Variants in DNAH1 observed in about 807,000 individuals in gnomAD.
DNAH1 encodes dynein axonemal heavy chain 1, also known as axonemal beta dynein heavy chain 1.
Under a neutral mutation model 484.3 loss-of-function variants are expected in DNAH1, and 327 were observed. The observed-to-expected ratio is 0.68, with a 90% CI of 0.62 to 0.74. DNAH1 has a LOEUF of 0.74. Ranked by LOEUF, DNAH1 falls within the 30% of genes least tolerant of loss-of-function variation. The pLI, the probability that DNAH1 is intolerant of heterozygous loss-of-function variation, is 0.00. For synonymous variants in DNAH1, 2,192 were observed against 2,191.9 expected, an observed-to-expected ratio of 1.00 and a Z score of 0.00; for missense variants, 5,052 against 5,546.8, an observed-to-expected ratio of 0.91 and a Z score of 2.83.
chr3:52,346,893 G>A (rs1702167342), intron 11 of DNAH1, 123 bp downstream of exon 11: 1 of 1,086,074 alleles, frequency 9.2e-7, no homozygotes, highest in Non-Finnish European at 1.3e-6. Flanking sequence ...GCAGTAAGGA[G>A]AGCCGAGCTC....
Position 52,370,468 on chromosome 3 carries a change from C to T in DNAH1, c.6259-9C>T, listed in dbSNP as rs1431111813. 27 of 1,613,880 alleles carry T rather than the reference C, an allele frequency of 1.7e-5. No homozygotes were observed. The Admixed American group carries it at 4.5e-4, about 27-fold the overall frequency. ...TGTCTCAGCCTGATACTGTTCCCTTCATCCCCAGGGCCTCAAGAAAATACC... is the reference window on the plus strand; with the variant it reads ...TGTCTCAGCCTGATACTGTTCCCTTTATCCCCAGGGCCTCAAGAAAATACC... On this transcript the variant is annotated splice_polypyrimidine_tract_variant and intron_variant, in intron 39 of 77. Transcript: ENST00000420323.
At chr3:52,350,819 G>A (rs1702344752) in intron 16 of DNAH1, among the ~76,000 whole-genome samples, 1 of 152,212 alleles carries the variant, frequency 6.6e-6, no homozygotes, top group Non-Finnish European at 1.5e-5. Flanking sequence ...CCCCAACCCT[G>A]TCTCTGTCCT....
At chr3:52,352,750 G>A (rs746570668) in intron 18 of DNAH1, 43 bp downstream of exon 18, 2 of 1,585,342 alleles carry the variant, frequency 1.3e-6, no homozygotes, top group Non-Finnish European at 1.7e-6. Flanking sequence ...CCCCAGGCTT[G>A]AGGAAGCAGC....
chr3:52,397,980 A>G, intron 74 of DNAH1, 52 bp from the exon 75 acceptor site: 1 of 1,594,634 alleles, frequency 6.3e-7, no homozygotes, highest in Non-Finnish European at 8.6e-7. Flanking sequence ...GGAATCCCAC[A>G]GGGGATAAGG....
Position 52,375,992 on chromosome 3 carries a change from G to C in DNAH1, c.7197G>C (p.Val2399=), listed in dbSNP as rs61738522. 2.4e-3 allele frequency: 3,868 copies of C among 1,612,178 alleles called. 96 individuals are homozygous for C. The African/African-American group carries it at 0.046, about 19-fold the overall frequency. ...LLGEKSYRER[V]PGAPHIAHFT... ...GAGAAAAAAGCTACCGGGAGCGTGT[G>C]CGTAAGTGTGGGCCTGGGCGGGAAT... Residue 2399 remains valine, a splice_region_variant and synonymous_variant, in exon 46 of 78, where the codon GTG becomes GTC. Coordinates refer to ENST00000420323, the MANE Select transcript of DNAH1 (RefSeq NM_015512.5).
rs1281736510 is a variant in DNAH1, at chr3:52,392,853, G to A, written c.10302G>A (p.Gln3434=). Residue 3434 remains glutamine, a synonymous_variant, in exon 65 of 78, where the codon CAG becomes CAA. Transcript: ENST00000420323. ...AGGCCAAAGTCAGGATTGCAGAGCA[G>A]ACGGAGAAGGACATCGACCTGACGC... ...EIQAKVRIAE[Q]TEKDIDLTRM... 1 of 1,595,940 alleles carries A rather than the reference G, an allele frequency of 6.3e-7. No individual in the cohort carries two copies. The highest frequency in any genetic ancestry group is 8.5e-7 in the Non-Finnish European group (1 of 1,171,914).
At chr3:52,390,033 T>A (rs183329039) in intron 60 of DNAH1, among the ~76,000 whole-genome samples, 246 of 152,220 alleles carry the variant, frequency 1.6e-3, no homozygotes, top group African/African-American at 5.5e-3. Flanking sequence ...GGCAGGAGAA[T>A]TGGCTTGAAC....
chr3:52,359,243 C>T lies in DNAH1; in HGVS notation c.4267-3C>T. On this transcript the variant is annotated splice_polypyrimidine_tract_variant and splice_region_variant and intron_variant, in intron 25 of 77. Coordinates refer to ENST00000420323, the MANE Select transcript of DNAH1 (RefSeq NM_015512.5). ...GGTCAGCCTGCCCATGCTGTCTTCC[C>T]AGATGCCCAGGACCCAGTGGGTTCT... The T allele has an allele frequency of 6.4e-7, 1 of 1,564,610 alleles. No homozygotes were observed. The highest frequency in any genetic ancestry group is 8.7e-7 in the Non-Finnish European group (1 of 1,153,916).
intron 50 of DNAH1, among the ~76,000 whole-genome samples, chr3:52,383,055 A>G (rs1329457897): frequency 1.3e-5 from 2 of 152,170 alleles, no homozygotes; most frequent in Non-Finnish European, 2.9e-5. Flanking sequence ...GCTGTATGAG[A>G]TGGGCAAGGA....
At chr3:52,348,739 T>C (rs766743710) in intron 12 of DNAH1, 149 bp from the exon 13 acceptor site, 11 of 776,860 alleles carry the variant, frequency 1.4e-5, no homozygotes, top group Non-Finnish European at 2.3e-5. Flanking sequence ...ATCCCTCCTT[T>C]TGTATTTGGT....
Position 52,389,704 on chromosome 3 carries a change from T to C in DNAH1, c.9621+118T>C, listed in dbSNP as rs543576185. ...CCAGGGCCTGGCTCGGAGCTGCCTC[T>C]GCTGAACCCTCCTGTGCCCAGCAAG... On this transcript the variant is annotated intron_variant, in intron 60 of 77. Coordinates refer to ENST00000420323, the MANE Select transcript of DNAH1 (RefSeq NM_015512.5). 3,863 of 1,174,376 alleles carry C rather than the reference T, an allele frequency of 3.3e-3. 9 individuals carry two copies. Among genetic ancestry groups the C allele is most frequent in the Non-Finnish European group, 4.0e-3 (3,648 of 921,994 alleles). 72.7% of individuals were successfully genotyped at this position (1,174,376 alleles called of 1,614,324 possible). A position where few individuals can be genotyped will look rare whatever the true frequency, so the allele number is the denominator to read the frequency against.
rs1704569594 is a variant in DNAH1 at position 52,395,288 on chromosome 3, A to T, written c.10969-20A>T. The T allele has an allele frequency of 2.5e-6, 4 of 1,609,900 alleles. No homozygotes were observed. The East Asian group carries it at 8.9e-5, about 36-fold the overall frequency. ...CTCTGCAGCCCCAGGTGGTCTCAGCATCTCCCCCTGCCCTTGCAGACAGCC... is the reference window on the plus strand; with the variant it reads ...CTCTGCAGCCCCAGGTGGTCTCAGCTTCTCCCCCTGCCCTTGCAGACAGCC... On this transcript the variant is annotated intron_variant, in intron 68 of 77. Transcript: ENST00000420323. This position sits in a 1 kb window ranked among gnomAD's most constrained non-coding sequence, Gnocchi z 4.4.
Position 52,384,180 on chromosome 3 carries a change from T to C in DNAH1, c.8322+149T>C, listed in dbSNP as rs180785393. The C allele has an allele frequency of 9.3e-5, 80 of 862,226 alleles. 1 individual carries two copies. The highest frequency in any genetic ancestry group is 3.7e-4 in the Admixed American group (12 of 32,162). 53.4% of individuals were successfully genotyped at this position (862,226 alleles called of 1,614,324 possible). A position where few individuals can be genotyped will look rare whatever the true frequency, so the allele number is the denominator to read the frequency against. ...CTGTGTTTCCTGTCTAAGCCTCCAT[T>C]TCCTCATCTGTAAATGCGCAGAGCC... On this transcript the variant is annotated intron_variant, in intron 52 of 77. Transcript: ENST00000420323.
In DNAH1 at chr3:52,396,455, A is replaced by G. The variant is rs755084301; in HGVS notation, c.11347A>G (p.Ile3783Val). The change falls in exon 71 of 78, where the codon ATT (isoleucine) becomes GTT (valine). Residue 3783 changes from isoleucine to valine, a missense_variant. Physicochemically the swap from Ile to Val is conservative, Grantham distance 29. Around this residue, in one of 4 missense-constraint regions of DNAH1, gnomAD observed 853 missense variants for 899.0 expected, o/e 0.95. Coordinates refer to ENST00000420323, the MANE Select transcript of DNAH1 (RefSeq NM_015512.5). ...SILQNGSKMT[I>V]EPPRGVRANL... ...CCTGCAGAACGGCTCCAAGATGACC[A>G]TTGAGCCGCCACGCGGTGTCAGGGC... 2 of 1,598,516 alleles carry G rather than the reference A, an allele frequency of 1.3e-6. No individual in the cohort carries two copies. Among genetic ancestry groups the G allele is most frequent in the East Asian group, 2.3e-5 (1 of 43,956 alleles).
rs370407852 is a variant in DNAH1 at position 52,394,946 on chromosome 3, C to G, written c.10855C>G (p.Leu3619Val). 5 of 1,613,524 alleles carry G rather than the reference C, an allele frequency of 3.1e-6. No homozygotes were observed. The highest frequency in any genetic ancestry group is 4.2e-6 in the Non-Finnish European group (5 of 1,179,776). ...TTTGCCTGGCATCTGGGACCAGTACCTAGACCAGTTCCAGAAGCTGCTAGT... is the reference window on the plus strand; with the variant it reads ...TTTGCCTGGCATCTGGGACCAGTACGTAGACCAGTTCCAGAAGCTGCTAGT... ...EPLPGIWDQY[L>V]DQFQKLLVLR... Residue 3619 changes from leucine (L) to valine (V), a missense_variant, in exon 68 of 78, where the codon CTA becomes GTA. Transcript: ENST00000420323.
intron 16 of DNAH1, among the ~76,000 whole-genome samples, chr3:52,351,377 A>G (rs1310566729): frequency 6.6e-6 from 1 of 152,224 alleles, no homozygotes; most frequent in Non-Finnish European, 1.5e-5. Context: ...GCTGCCTCAC[A>G]GATGTTGGGG....
chr3:52,324,690 GC>G (rs1262287903), intron 3 of DNAH1, among the ~76,000 whole-genome samples: 1 of 152,142 alleles, frequency 6.6e-6, no homozygotes, highest in Non-Finnish European at 1.5e-5. Flanking sequence ...TGAGGGTCTG[GC>G]CTATTGTTTC....
In DNAH1 at chr3:52,398,959, TACA is replaced by T. The variant is rs772396187; in HGVS notation, c.12204_12206del (p.Asn4069del). 1.3e-4 allele frequency: 213 copies of T among 1,613,698 alleles called. No homozygotes were observed. The highest frequency in any genetic ancestry group is 5.5e-5 in the South Asian group (5 of 91,088). On this transcript the variant is annotated inframe_deletion, in exon 76 of 78. Transcript: ENST00000420323. ...GCTGGAGCTGATGGCTGCCAGCCTG[TACA>T]ACAATACTGTGCCTGAGCTCTGGAG...
Position 52,349,086 on chromosome 3 carries a change from G to A in DNAH1, c.2300+5G>A, listed in dbSNP as rs781060120. 8.7e-6 allele frequency: 14 copies of A among 1,612,806 alleles called. No individual in the cohort carries two copies. The highest frequency in any genetic ancestry group is 1.7e-5 in the Admixed American group (1 of 60,010). ...TGACATTGCCTCCTTTCTCAAGTGC[G>A]TACGTGTGCCCATGCACGTCGGAGG... On this transcript the variant is annotated splice_donor_5th_base_variant and intron_variant, in intron 13 of 77. Coordinates refer to ENST00000420323, the MANE Select transcript of DNAH1 (RefSeq NM_015512.5).
Sources: gnomAD v4.1 joint callset for allele counts (sites outside exome capture counted in the v4.1 genomes callset) on GRCh38, gnomAD v4.1.1 for gene constraint, gnomAD v4.1.1 regional missense constraint, Gnocchi (gnomAD v3.1) non-coding constraint, MANE v1.5 for transcripts, NCBI Gene and HGNC (gene_info 2026-07-23, HGNC 2026-07-21) for gene names.